HIVEP2: variants seen among roughly 807,000 people sequenced by gnomAD.
HIVEP2 encodes the protein HIVEP zinc finger 2.
In HIVEP2, 14 loss-of-function variants were observed where a neutral mutation model predicts 180.7. That is an observed-to-expected ratio of 0.08 (90% CI 0.05 to 0.12). The LOEUF (loss-of-function observed/expected upper bound fraction) is 0.12, where lower values mean the gene tolerates loss of function less well. Ranked by LOEUF, HIVEP2 falls within the 10% of genes least tolerant of loss-of-function variation. The probability of loss-of-function intolerance (pLI) is 1.00; values close to 1 mark genes in which losing one functional copy is unlikely to be tolerated. For synonymous variants in HIVEP2, 1,184 were observed against 1,136.4 expected (o/e 1.04, Z -0.84); for missense variants, 2,579 against 3,008.5 (o/e 0.86, Z 3.34).
intron 1 of HIVEP2, among the ~76,000 whole-genome samples, chr6:142,927,836 C>T (rs905396148): frequency 1.5e-4 from 23 of 152,070 alleles, no homozygotes; most frequent in African/African-American, 5.3e-4. Flanking sequence ...CTGTGGCTTA[C>T]GGTTAATAAC....
At chr6:142,911,365 G>C (rs1056921920) in intron 1 of HIVEP2, among the ~76,000 whole-genome samples, 3 of 152,152 alleles carry the variant, frequency 2.0e-5, no homozygotes, top group African/African-American at 7.2e-5. Flanking sequence ...GGGCATTTAA[G>C]ATCAAGGAGA....
intron 1 of HIVEP2, among the ~76,000 whole-genome samples, chr6:142,891,826 A>G (rs1776868243): frequency 6.6e-6 from 1 of 152,234 alleles, no homozygotes; most frequent in African/African-American, 2.4e-5. Context: ...GTCCTCTCTC[A>G]AACACTGTAA....
At chr6:142,842,937 G>A (rs2114899544) in intron 1 of HIVEP2, among the ~76,000 whole-genome samples, 1 of 152,272 alleles carries the variant, frequency 6.6e-6, no homozygotes, top group South Asian at 2.1e-4. Context: ...TCTGTGTAAA[G>A]ATGAAACTGA....
intron 2 of HIVEP2, among the ~76,000 whole-genome samples, chr6:142,819,289 A>C (rs1415314858): frequency 1.3e-5 from 2 of 152,164 alleles, no homozygotes; most frequent in African/African-American, 4.8e-5. Context: ...TCTATGTAAG[A>C]GATATGCAAA....
intron 1 of HIVEP2, among the ~76,000 whole-genome samples, chr6:142,888,152 C>G (rs1776756114): frequency 6.6e-6 from 1 of 152,140 alleles, no homozygotes; most frequent in Non-Finnish European, 1.5e-5. Flanking sequence ...CACATTTAGA[C>G]TATAAAGTTA....
intron 3 of HIVEP2, among the ~76,000 whole-genome samples, chr6:142,781,249 T>C (rs1177424170): frequency 2.0e-5 from 3 of 152,180 alleles, no homozygotes; most frequent in East Asian, 3.8e-4. Flanking sequence ...TCAATTGATA[T>C]ATCAAAAAAT....
rs1052887618 is a variant in HIVEP2, at chr6:142,942,324, T to C, written c.-641+2775A>G. On this transcript the variant is annotated intron_variant, in intron 1 of 9. Transcript: ENST00000367603. Reference sequence around the variant, plus strand: ...AAAAAAAAAATGGCAAATTCTGGAATAAGATTTTTCATTTTAAATTAAATC... The same window carrying C: ...AAAAAAAAAATGGCAAATTCTGGAACAAGATTTTTCATTTTAAATTAAATC... Among the ~76,000 whole-genome samples, 5 of 151,752 alleles carry C rather than the reference T, an allele frequency of 3.3e-5. 1 individual carries two copies. Among genetic ancestry groups the C allele is most frequent in the Admixed American group, 3.3e-4 (5 of 15,242 alleles).
At chr6:142,937,807 T>C (rs1778091495) in intron 1 of HIVEP2, among the ~76,000 whole-genome samples, 1 of 152,200 alleles carries the variant, frequency 6.6e-6, no homozygotes. Context: ...GAAGTTTCTT[T>C]AAGTATACAC....
chr6:142,772,266 A>G lies in HIVEP2; in HGVS notation c.2473T>C (p.Cys825Arg). The change falls in exon 5 of 10, where the codon TGC becomes CGC. Residue 825 changes from cysteine to arginine, a missense_variant. This residue lies in a region of HIVEP2 where 524 missense variants were observed against 563.6 expected (regional missense o/e 0.93). Transcript: ENST00000367603. This position sits in a 1 kb window ranked among gnomAD's most constrained non-coding sequence, Gnocchi z 4.9. ...ERSESAELVACTQDKAPSPSE... is the reference protein window; with the variant it reads ...ERSESAELVARTQDKAPSPSE... ...GGGGAAGGGGCTTTATCCTGTGTGCAAGCCACAAGTTCGGCTGACTCAGAC... is the reference window on the plus strand; with the variant it reads ...GGGGAAGGGGCTTTATCCTGTGTGCGAGCCACAAGTTCGGCTGACTCAGAC... 6.2e-7 allele frequency: 1 copy of G among 1,614,206 alleles called. No homozygotes were observed. Among genetic ancestry groups the G allele is most frequent in the Non-Finnish European group, 8.5e-7 (1 of 1,180,044 alleles).
At chr6:142,800,062 C>T (rs1207340691) in intron 2 of HIVEP2, among the ~76,000 whole-genome samples, 1 of 152,106 alleles carries the variant, frequency 6.6e-6, no homozygotes, top group Non-Finnish European at 1.5e-5. Context: ...AATATTTTCC[C>T]TTTACTTCAG....
At chr6:142,817,385 G>A (rs1375220932) in intron 2 of HIVEP2, among the ~76,000 whole-genome samples, 1 of 152,126 alleles carries the variant, frequency 6.6e-6, no homozygotes, top group Non-Finnish European at 1.5e-5. Flanking sequence ...ATTTGGAGAC[G>A]ACCAGCAGTC....
chr6:142,837,087 C>T (rs1216797309), intron 1 of HIVEP2, 40 bp from the exon 2 acceptor site: 3 of 152,016 alleles, frequency 2.0e-5, no homozygotes, highest in Non-Finnish European at 4.4e-5. Flanking sequence ...TAAACCGGAG[C>T]GTGATTATAG....
intron 7 of HIVEP2, among the ~76,000 whole-genome samples, chr6:142,763,995 TG>T (rs2114625146): frequency 6.6e-6 from 1 of 152,300 alleles, no homozygotes; most frequent in South Asian, 2.1e-4. Flanking sequence ...TTAATCAATA[TG>T]AAAATTTAAA....
rs1218610768 is a variant in HIVEP2 at position 142,770,898 on chromosome 6, A to G, written c.3841T>C (p.Cys1281Arg). 8 of 1,614,068 alleles carry G rather than the reference A, an allele frequency of 5.0e-6. No homozygotes were observed. In the African/African-American group the frequency reaches 8.0e-5, roughly 16 times the overall value. The change falls in exon 5 of 10, where the codon TGT becomes CGT. Residue 1281 changes from cysteine (C) to arginine (R), a missense_variant. Cys to Arg is a radical substitution (Grantham distance 180, BLOSUM62 -3). Around this residue, in one of 11 missense-constraint regions of HIVEP2, gnomAD observed 523 missense variants for 577.0 expected, o/e 0.91. Coordinates refer to ENST00000367603, the MANE Select transcript of HIVEP2 (RefSeq NM_006734.4). The surrounding 1 kb of genome is among the most constrained non-coding windows in gnomAD (Gnocchi z 4.7). ...TGTAGCCCTGATGCTCCTGAATAAC[A>G]TGGGTAGGTCTGCTCTTTCGTGTGT... ...YAHTKEQTYP[C>R]YSGASGLHPK...
chr6:142,890,482 G>A (rs1458687062), intron 1 of HIVEP2, among the ~76,000 whole-genome samples: 1 of 152,148 alleles, frequency 6.6e-6, no homozygotes, highest in Non-Finnish European at 1.5e-5. Context: ...TACTGCCAAA[G>A]AAATGAATGA....
chr6:142,828,047 T>C (rs1279862319), intron 2 of HIVEP2, among the ~76,000 whole-genome samples: 2 of 152,248 alleles, frequency 1.3e-5, no homozygotes, highest in African/African-American at 4.8e-5. Context: ...CACAGCATTC[T>C]TAAATTGCCA....
At chr6:142,881,774 G>A (rs537698820) in intron 1 of HIVEP2, among the ~76,000 whole-genome samples, 8 of 152,022 alleles carry the variant, frequency 5.3e-5, no homozygotes, top group Non-Finnish European at 1.2e-4. Flanking sequence ...TGTGTCTCTC[G>A]CTGAGTTCCC....
At chr6:142,922,501 T>A (rs1182078839) in intron 1 of HIVEP2, among the ~76,000 whole-genome samples, 1 of 152,216 alleles carries the variant, frequency 6.6e-6, no homozygotes, top group Non-Finnish European at 1.5e-5. Context: ...CTGAACTTCA[T>A]TTATTGAGTG....
intron 1 of HIVEP2, among the ~76,000 whole-genome samples, chr6:142,880,454 C>T (rs1776553030): frequency 6.6e-6 from 1 of 152,190 alleles, no homozygotes; most frequent in African/African-American, 2.4e-5. Context: ...TGCCACCAGA[C>T]ACAGTCACCA....
Sources: gnomAD v4.1 joint callset for allele counts (sites outside exome capture counted in the v4.1 genomes callset) on GRCh38, gnomAD v4.1.1 for gene constraint, gnomAD v4.1.1 regional missense constraint, Gnocchi (gnomAD v3.1) non-coding constraint, MANE v1.5 for transcripts, NCBI Gene and HGNC (gene_info 2026-07-23, HGNC 2026-07-21) for gene names.